Variants in RBKS observed in about 807,000 individuals in gnomAD.
The protein encoded by RBKS is ribokinase.
Under a neutral mutation model 33.9 loss-of-function variants are expected in RBKS, and 33 were observed. That is an observed-to-expected ratio of 0.97 (90% CI 0.74 to 1.30). RBKS has a LOEUF of 1.30. RBKS is among the 50% of genes most tolerant of loss of function. RBKS has a pLI of 0.00. For synonymous variants in RBKS, 125 were observed against 143.0 expected, an observed-to-expected ratio of 0.87 and a Z score of 0.90; for missense variants, 361 against 392.6, an observed-to-expected ratio of 0.92 and a Z score of 0.68.
intron 1 of RBKS, chr2:27,870,243 A>G (rs1303449903): frequency 6.5e-6 from 1 of 152,978 alleles, no homozygotes; most frequent in African/African-American, 2.4e-5. Flanking sequence ...TGTCACCCCC[A>G]TAATTCCAGT....
intron 1 of RBKS, chr2:27,869,885 G>C (rs1324201354): frequency 6.6e-6 from 1 of 152,558 alleles, no homozygotes; most frequent in Admixed American, 6.5e-5. Flanking sequence ...AAGCTTTTCA[G>C]TGCTTTTGGG....
At chr2:27,791,201 A>G (rs770051932) in intron 7 of RBKS, among the ~76,000 whole-genome samples, 36 of 152,306 alleles carry the variant, frequency 2.4e-4, no homozygotes, top group South Asian at 4.1e-4. Flanking sequence ...GAGTTTTGTG[A>G]TGGTGAATTT....
chr2:27,789,480 C>G (rs1315070618), intron 7 of RBKS, among the ~76,000 whole-genome samples: 2 of 149,406 alleles, frequency 1.3e-5, no homozygotes, highest in Non-Finnish European at 3.0e-5. Context: ...CTCACTGTAA[C>G]CTCCGCCTCC....
At chr2:27,856,219 C>T (rs577427625) in intron 2 of RBKS, among the ~76,000 whole-genome samples, 12 of 152,316 alleles carry the variant, frequency 7.9e-5, no homozygotes, top group African/African-American at 2.9e-4. Flanking sequence ...TAGGTTTTAG[C>T]TGCAGTCATG....
chr2:27,832,733 GA>G lies in RBKS; in HGVS notation c.558del (p.Gln188SerfsTer19). ...FNPAPAIADLDPQFYTLSDVF... is the reference protein window; with the variant it reads ...FNPAPAIADLXPQFYTLSDVF... ...ACATCTGAGAGGGTGTAGAACTGGG[GA>G]TCCAGGTCAGCAATGGCAGGGGCTG... On this transcript the variant is annotated frameshift_variant, in exon 6 of 8. Transcript: ENST00000302188. LOFTEE classifies it high-confidence loss of function. 6.2e-7 allele frequency: 1 copy of G among 1,612,790 alleles called. No homozygotes were observed. The highest frequency in any genetic ancestry group is 8.5e-7 in the Non-Finnish European group (1 of 1,179,282).
rs1316564723 is a variant in RBKS, at chr2:27,837,489, G to A, written c.515-4712C>T. 6.6e-6 allele frequency among the ~76,000 whole-genome samples: 1 copy of A among 152,072 alleles called. No homozygotes were observed. Among genetic ancestry groups the A allele is most frequent in the Non-Finnish European group, 1.5e-5 (1 of 68,014 alleles). ...TCCTATGCCTGGTACACACCCAAAG[G>A]AAAACAGATCATTATACCTAAAGGA... On this transcript the variant is annotated intron_variant, in intron 5 of 7. Transcript: ENST00000302188. The surrounding 1 kb of genome is among the most constrained non-coding windows in gnomAD (Gnocchi z 4.0).
chr2:27,818,318 G>A (rs537792784), intron 7 of RBKS, among the ~76,000 whole-genome samples: 18 of 152,264 alleles, frequency 1.2e-4, no homozygotes, highest in African/African-American at 3.6e-4. Context: ...AGATCTGGCC[G>A]CTTCTGAAGA....
intron 3 of RBKS, among the ~76,000 whole-genome samples, chr2:27,847,793 A>G (rs1420715637): frequency 6.6e-6 from 1 of 152,178 alleles, no homozygotes; most frequent in Non-Finnish European, 1.5e-5. Context: ...TCTCCTTGTC[A>G]TTTGTCACAT....
chr2:27,872,163 G>A (rs997340254), intron 1 of RBKS, among the ~76,000 whole-genome samples: 1 of 152,216 alleles, frequency 6.6e-6, no homozygotes, highest in African/African-American at 2.4e-5. Context: ...CCACAGATCA[G>A]TACTGGTCTG....
intron 1 of RBKS, among the ~76,000 whole-genome samples, chr2:27,880,356 C>T (rs905608225): frequency 1.3e-5 from 2 of 152,160 alleles, no homozygotes; most frequent in Admixed American, 1.3e-4. Flanking sequence ...CCTTTGAAAA[C>T]CAGCACAAGA....
chr2:27,786,815 AT>A (rs1361679191), intron 7 of RBKS, among the ~76,000 whole-genome samples: 1 of 151,496 alleles, frequency 6.6e-6, no homozygotes, highest in Non-Finnish European at 1.5e-5. Context: ...TTTAAAAAAT[AT>A]TGTACCCACA....
chr2:27,866,761 G>A (rs1327976624), intron 1 of RBKS, among the ~76,000 whole-genome samples: 1 of 151,814 alleles, frequency 6.6e-6, no homozygotes, highest in Non-Finnish European at 1.5e-5. Context: ...TTTTTCTTCT[G>A]TTCATCTTTT....
intron 5 of RBKS, among the ~76,000 whole-genome samples, chr2:27,835,289 AAG>A (rs1196131031): frequency 2.6e-5 from 4 of 152,046 alleles, no homozygotes; most frequent in African/African-American, 9.6e-5. Context: ...AAAAAAAAAA[AAG>A]AAAAAAAAGA....
intron 7 of RBKS, among the ~76,000 whole-genome samples, chr2:27,789,925 G>GTATATATATATATGTATATGTGTATATA (rs1677481012): frequency 1.5e-5 from 2 of 130,628 alleles, no homozygotes; most frequent in African/African-American, 5.8e-5. Context: ...GTTTGTGTGT[G>GTATATATATATATGTATATGTGTATATA]TATATATATA....
chr2:27,877,204 T>C (rs1664330179), intron 1 of RBKS, among the ~76,000 whole-genome samples: 1 of 152,106 alleles, frequency 6.6e-6, no homozygotes, highest in Non-Finnish European at 1.5e-5. Context: ...TGATATTCTC[T>C]AGTTCCACAG....
chr2:27,805,343 A>C (rs1014118674), intron 7 of RBKS, among the ~76,000 whole-genome samples: 5 of 152,118 alleles, frequency 3.3e-5, no homozygotes, highest in African/African-American at 1.2e-4. Context: ...TGCAGTGATT[A>C]ATGTGTGGCA....
chr2:27,795,899 C>T lies in RBKS; in HGVS notation c.796-14111G>A, dbSNP rs191819353. Among the ~76,000 whole-genome samples the T allele has an allele frequency of 1.3e-5, 2 of 152,302 alleles. No individual in the cohort carries two copies. Among genetic ancestry groups the T allele is most frequent in the African/African-American group, 4.8e-5 (2 of 41,562 alleles). On this transcript the variant is annotated intron_variant, in intron 7 of 7. Transcript: ENST00000302188. The surrounding 1 kb of genome is among the most constrained non-coding windows in gnomAD (Gnocchi z 4.1). ...AGCCTTCGCTCTGGGACAATCTGAA[C>T]TCTCTTTAGGGCAGGGACTACTTTT...
intron 1 of RBKS, among the ~76,000 whole-genome samples, chr2:27,864,356 G>C (rs1664045808): frequency 6.6e-6 from 1 of 152,096 alleles, no homozygotes; most frequent in Non-Finnish European, 1.5e-5. Flanking sequence ...ATGTCATTTT[G>C]TCTGAAGATG....
At chr2:27,820,392 A>G (rs1250088155) in intron 7 of RBKS, among the ~76,000 whole-genome samples, 1 of 152,180 alleles carries the variant, frequency 6.6e-6, no homozygotes, top group African/African-American at 2.4e-5. Flanking sequence ...ATGGCACTAC[A>G]TTATTATTCA....
Sources: allele counts gnomAD v4.1 joint callset (sites outside exome capture counted in the v4.1 genomes callset), GRCh38; gene constraint gnomAD v4.1.1; non-coding constraint Gnocchi (gnomAD v3.1); transcripts MANE v1.5; gene names NCBI Gene and HGNC (gene_info 2026-07-23, HGNC 2026-07-21).